IL1RAPL2: variants seen among roughly 807,000 people sequenced by gnomAD.
IL1RAPL2 encodes the protein X-linked interleukin-1 receptor accessory protein-like 2.
A neutral mutation model predicts 44.1 loss-of-function variants in IL1RAPL2; 3 were observed. The observed-to-expected ratio is 0.07, with a 90% CI of 0.03 to 0.18. IL1RAPL2 has a LOEUF of 0.18. Ranked by LOEUF, IL1RAPL2 falls within the 10% of genes least tolerant of loss-of-function variation. The pLI is 1.00. For synonymous variants in IL1RAPL2, 181 were observed against 178.8 expected (o/e 1.01, Z -0.10); for missense variants, 391 against 496.4 (o/e 0.79, Z 2.02).
At chrX:105,357,147 T>C (rs1034996386) in intron 5 of IL1RAPL2, among the ~76,000 whole-genome samples, 1 of 111,418 alleles carries the variant, frequency 9.0e-6, no homozygotes, top group East Asian at 2.8e-4. Context: ...ATTTGAGCTA[T>C]GAGACATTAG....
At chrX:105,528,915 T>C in intron 6 of IL1RAPL2, among the ~76,000 whole-genome samples, 1 of 111,958 alleles carries the variant, frequency 8.9e-6, no homozygotes, top group East Asian at 2.8e-4. Context: ...TTTCACATTA[T>C]ATTTTCATGT....
chrX:105,586,880 G>T (rs2037133183), intron 6 of IL1RAPL2, among the ~76,000 whole-genome samples: 1 of 112,158 alleles, frequency 8.9e-6, no homozygotes, highest in Non-Finnish European at 1.9e-5. Context: ...AATTATATAT[G>T]CCTTGGCCTC....
At chrX:105,341,105 T>A (rs1018518903) in intron 5 of IL1RAPL2, among the ~76,000 whole-genome samples, 10 of 111,809 alleles carry the variant, frequency 8.9e-5, no homozygotes, top group Non-Finnish European at 1.3e-4. Context: ...CAACACAGAC[T>A]TTTTTGTTCC....
rs367756649 is a variant in IL1RAPL2 at position 105,466,858 on chromosome X, C to T, written c.698-17455C>T. On this transcript the variant is annotated intron_variant, in intron 5 of 10. Coordinates refer to ENST00000372582, the MANE Select transcript of IL1RAPL2 (RefSeq NM_017416.2). ...CCCAAGGTCTAGAGGCCACATCTGG[C>T]GCGGGCCTTTTTGTTGATGAGGAAA... Among the ~76,000 whole-genome samples, 72 of 111,614 alleles carry T rather than the reference C, an allele frequency of 6.5e-4. 1 individual carries two copies. In the South Asian group the frequency reaches 0.024, roughly 38 times the overall value.
At chrX:105,267,151 C>T (rs1039523032) in intron 4 of IL1RAPL2, among the ~76,000 whole-genome samples, 1 of 111,245 alleles carries the variant, frequency 9.0e-6, no homozygotes, top group Non-Finnish European at 1.9e-5. Context: ...CCTCTAAAGA[C>T]TTCTTGCTCT....
At chrX:105,300,279 G>A (rs2034686737) in intron 5 of IL1RAPL2, among the ~76,000 whole-genome samples, 1 of 111,232 alleles carries the variant, frequency 9.0e-6, no homozygotes, top group African/African-American at 3.3e-5. Context: ...AAGCATAATG[G>A]GTTTTGCTTT....
intron 1 of IL1RAPL2, among the ~76,000 whole-genome samples, chrX:104,610,858 A>G (rs1929139719): frequency 1.8e-5 from 2 of 112,054 alleles, no homozygotes. Context: ...TGGAGGCATC[A>G]CGCTACCTAA....
chrX:105,615,959 T>TAA (rs1242759045), intron 6 of IL1RAPL2, among the ~76,000 whole-genome samples: 1 of 111,713 alleles, frequency 9.0e-6, no homozygotes, highest in East Asian at 2.8e-4. Flanking sequence ...ATGCACCTAC[T>TAA]ATGTACCCAC....
intron 5 of IL1RAPL2, among the ~76,000 whole-genome samples, chrX:105,475,248 C>A (rs1482157025): frequency 9.0e-6 from 1 of 111,313 alleles, no homozygotes; most frequent in Non-Finnish European, 1.9e-5. Context: ...ATATTGAGTA[C>A]ATTCCTCCTT....
chrX:104,809,148 A>T (rs1932948867), intron 2 of IL1RAPL2, among the ~76,000 whole-genome samples: 1 of 111,890 alleles, frequency 8.9e-6, no homozygotes, highest in Non-Finnish European at 1.9e-5. Context: ...ATGTTTGGCC[A>T]GTAGGGTTAT....
chrX:105,068,676 A>C (rs768610522), intron 2 of IL1RAPL2, among the ~76,000 whole-genome samples: 8 of 111,628 alleles, frequency 7.2e-5, no homozygotes, highest in African/African-American at 2.3e-4. Flanking sequence ...TTCATTAGGC[A>C]TTGTCGGGTA....
At chrX:104,881,625 G>A (rs1249949262) in intron 2 of IL1RAPL2, among the ~76,000 whole-genome samples, 1 of 112,167 alleles carries the variant, frequency 8.9e-6, no homozygotes, top group Non-Finnish European at 1.9e-5. Context: ...TGGGAAAAGT[G>A]CATAGAAAAT....
chrX:104,902,265 A>G (rs1229041483), intron 2 of IL1RAPL2, among the ~76,000 whole-genome samples: 1 of 112,047 alleles, frequency 8.9e-6, no homozygotes, highest in African/African-American at 3.2e-5. Context: ...GAGACTGAGG[A>G]GGTGAAAGCT....
At chrX:105,752,980 G>A (rs1276059932) in intron 9 of IL1RAPL2, 2 of 329,079 alleles carry the variant, frequency 6.1e-6, no homozygotes, top group Non-Finnish European at 1.2e-5. Flanking sequence ...TCTAGAATGC[G>A]AGGTAAAATT....
intron 6 of IL1RAPL2, among the ~76,000 whole-genome samples, chrX:105,545,630 C>T (rs960596816): frequency 2.7e-5 from 3 of 111,733 alleles, no homozygotes; most frequent in African/African-American, 9.8e-5. Context: ...GTAATTCTAG[C>T]CTTCATTGTT....
chrX:104,982,994 A>G (rs2030471780), intron 2 of IL1RAPL2, among the ~76,000 whole-genome samples: 1 of 110,971 alleles, frequency 9.0e-6, no homozygotes, highest in African/African-American at 3.3e-5. Flanking sequence ...TCTACCCTCC[A>G]TGTTTCTTGA....
At chrX:105,032,854 G>T (rs2031536832) in intron 2 of IL1RAPL2, among the ~76,000 whole-genome samples, 1 of 110,862 alleles carries the variant, frequency 9.0e-6, no homozygotes, top group Non-Finnish European at 1.9e-5. Context: ...TTATTGTGTG[G>T]GAGTCTAAGT....
At chrX:105,363,308 A>ATATATATATATAT (rs1491419366) in intron 5 of IL1RAPL2, among the ~76,000 whole-genome samples, 2 of 68,569 alleles carry the variant, frequency 2.9e-5, no homozygotes, top group African/African-American at 2.6e-4. Flanking sequence ...ATATATATAT[A>ATATATATATATAT]ATATATATAT....
intron 2 of IL1RAPL2, among the ~76,000 whole-genome samples, chrX:104,961,479 T>C (rs1436947767): frequency 3.6e-5 from 4 of 111,642 alleles, no homozygotes; most frequent in African/African-American, 1.3e-4. Context: ...ACGCTGGTAC[T>C]GTTAGCATGA....
Sources: gnomAD v4.1 joint callset for allele counts (sites outside exome capture counted in the v4.1 genomes callset) on GRCh38, gnomAD v4.1.1 for gene constraint, MANE v1.5 for transcripts, NCBI Gene and HGNC (gene_info 2026-07-23, HGNC 2026-07-21) for gene names.